The following ITPR1 variants were observed in gnomAD, a reference collection of about 807,000 sequenced individuals.
The protein encoded by ITPR1 is inositol 1,4,5-trisphosphate-gated calcium channel ITPR1.
ITPR1 carries 96 observed loss-of-function variants against 318.4 expected under a neutral mutation model. The ratio of observed to expected loss-of-function variants is 0.30; its 90% confidence interval spans 0.26 to 0.36. The LOEUF is 0.36. Ranked by LOEUF, ITPR1 falls within the 10% of genes least tolerant of loss-of-function variation. The probability of loss-of-function intolerance (pLI) is 1.00; values close to 1 mark genes in which losing one functional copy is unlikely to be tolerated. For synonymous variants in ITPR1, 1,312 were observed against 1,289.9 expected (o/e 1.02, Z -0.37); for missense variants, 2,440 against 3,460.2 (o/e 0.71, Z 7.40).
At chr3:4,678,502 C>G (rs2094230047) in intron 24 of ITPR1, among the ~76,000 whole-genome samples, 1 of 152,132 alleles carries the variant, frequency 6.6e-6, no homozygotes, top group African/African-American at 2.4e-5. Context: ...CTTATTGACT[C>G]CCTACCATGT....
In ITPR1 at chr3:4,519,325, C is replaced by A. The variant is rs551661317; in HGVS notation, c.93-1699C>A. Among the ~76,000 whole-genome samples, 14 of 152,278 alleles carry A rather than the reference C, an allele frequency of 9.2e-5. No homozygotes were observed. In the South Asian group the frequency reaches 2.9e-3, roughly 32 times the overall value. On this transcript the variant is annotated intron_variant, in intron 3 of 61. Transcript: ENST00000649015. ...CACTGCACCCTCCACCTCCTGGGTT[C>A]AAGCAATTCATCTGCCTCAGCCTCC...
intron 4 of ITPR1, among the ~76,000 whole-genome samples, chr3:4,593,565 A>C (rs1345714089): frequency 6.6e-6 from 1 of 152,250 alleles, no homozygotes; most frequent in Non-Finnish European, 1.5e-5. Flanking sequence ...AATTTGATTC[A>C]GAAACATAAA....
chr3:4,560,756 A>C (rs2086592468), intron 4 of ITPR1, among the ~76,000 whole-genome samples: 1 of 152,218 alleles, frequency 6.6e-6, no homozygotes, highest in South Asian at 2.1e-4. Context: ...TCTGCCACTT[A>C]ATCTATCCCC....
At chr3:4,744,545 A>G (rs1173190557) in intron 44 of ITPR1, among the ~76,000 whole-genome samples, 3 of 152,224 alleles carry the variant, frequency 2.0e-5, no homozygotes, top group Non-Finnish European at 4.4e-5. Flanking sequence ...GGATTGTCCT[A>G]ACTGCTTTCC....
intron 44 of ITPR1, among the ~76,000 whole-genome samples, chr3:4,760,655 C>G (rs2045372578): frequency 6.6e-6 from 1 of 152,206 alleles, no homozygotes; most frequent in African/African-American, 2.4e-5. Flanking sequence ...GCGCTCCTTT[C>G]TGGAGGCTCT....
chr3:4,526,749 A>C (rs1487133889), intron 4 of ITPR1, among the ~76,000 whole-genome samples: 1 of 152,234 alleles, frequency 6.6e-6, no homozygotes, highest in Non-Finnish European at 1.5e-5. Context: ...TAGTCAGTTA[A>C]ATGTCACTTC....
chr3:4,597,852 G>A (rs375701973), intron 4 of ITPR1, among the ~76,000 whole-genome samples: 10 of 152,314 alleles, frequency 6.6e-5, no homozygotes, highest in African/African-American at 1.2e-4. Context: ...AAAGTATACA[G>A]AGTCACAGTG....
At chr3:4,560,317 TTCTC>T (rs1559448145) in intron 4 of ITPR1, among the ~76,000 whole-genome samples, 1 of 152,154 alleles carries the variant, frequency 6.6e-6, no homozygotes, top group Non-Finnish European at 1.5e-5. Context: ...TGTAATAAGG[TTCTC>T]TCTCAGGTCT....
chr3:4,773,595 G>A (rs557439021), intron 46 of ITPR1, among the ~76,000 whole-genome samples: 66 of 152,264 alleles, frequency 4.3e-4, no homozygotes, highest in African/African-American at 1.6e-3. Flanking sequence ...AGACAGATGG[G>A]CCAGGAGAGC....
intron 60 of ITPR1, among the ~76,000 whole-genome samples, chr3:4,833,844 A>C (rs2050689614): frequency 6.6e-6 from 1 of 152,162 alleles, no homozygotes; most frequent in Admixed American, 6.5e-5. Context: ...TTACTTGGAC[A>C]CTACTCTCTC....
At chr3:4,626,084 T>G (rs1489976140) in intron 4 of ITPR1, among the ~76,000 whole-genome samples, 1 of 152,066 alleles carries the variant, frequency 6.6e-6, no homozygotes, top group African/African-American at 2.4e-5. Flanking sequence ...GGCTGTAGTG[T>G]GCTATGATTG....
At chr3:4,501,495 C>T (rs1040938355) in intron 2 of ITPR1, among the ~76,000 whole-genome samples, 27 of 152,280 alleles carry the variant, frequency 1.8e-4, no homozygotes, top group Non-Finnish European at 4.0e-4. Context: ...GTGATTCACA[C>T]ACACGTGAAA....
intron 55 of ITPR1, among the ~76,000 whole-genome samples, chr3:4,808,093 G>A (rs932413372): frequency 2.0e-5 from 3 of 152,200 alleles, no homozygotes; most frequent in Non-Finnish European, 2.9e-5. Flanking sequence ...AGTGCCTGAC[G>A]CAGGGCACAT....
chr3:4,629,739 T>G (rs2092954969), intron 5 of ITPR1, among the ~76,000 whole-genome samples: 1 of 152,192 alleles, frequency 6.6e-6, no homozygotes. Context: ...CACAAAGCTG[T>G]GGGAGCACAT....
intron 4 of ITPR1, among the ~76,000 whole-genome samples, chr3:4,613,509 G>A (rs922455865): frequency 6.6e-6 from 1 of 152,132 alleles, no homozygotes; most frequent in African/African-American, 2.4e-5. Flanking sequence ...TTGTCCTTGG[G>A]CCAGGGAATG....
At chr3:4,681,658 T>TGTGTGTGTGTGTGTCC (rs1553690431) in intron 26 of ITPR1, among the ~76,000 whole-genome samples, 2 of 149,848 alleles carry the variant, frequency 1.3e-5, no homozygotes, top group Admixed American at 6.6e-5. Flanking sequence ...TGTGTGTGTG[T>TGTGTGTGTGTGTGTCC]CCCACCTAGG....
chr3:4,738,223 G>GA (rs910261967), intron 44 of ITPR1, among the ~76,000 whole-genome samples: 2 of 151,406 alleles, frequency 1.3e-5, no homozygotes, highest in East Asian at 2.0e-4. Flanking sequence ...GTTTAAAAAA[G>GA]AAAAAAAACA....
intron 44 of ITPR1, among the ~76,000 whole-genome samples, chr3:4,760,709 C>T (rs1406976733): frequency 2.6e-5 from 4 of 152,182 alleles, no homozygotes; most frequent in Admixed American, 2.6e-4. Context: ...CAGAGGCCAC[C>T]CACATCCCTT....
Position 4,733,096 on chromosome 3 carries a change from G to C in ITPR1, c.5229G>C (p.Ala1743=). The change falls in exon 43 of 62, where the codon GCG becomes GCC. Residue 1743 remains alanine (A), a synonymous_variant. Coordinates refer to ENST00000649015, the MANE Select transcript of ITPR1 (RefSeq NM_001378452.1). ...RQLEDHKRGE[A]LRQVLVNRYY... is the part of the protein sequence containing the mutation. ...ATCCTGTTTGAATTAAGGGTGAGGC[G>C]CTCAGGCAAGTTCTGGTCAACCGTT... The C allele has an allele frequency of 6.2e-7, 1 of 1,612,972 alleles. No homozygotes were observed. The highest frequency in any genetic ancestry group is 1.7e-4 in the Middle Eastern group (1 of 6,060).
Sources: allele counts gnomAD v4.1 joint callset (sites outside exome capture counted in the v4.1 genomes callset), GRCh38; gene constraint gnomAD v4.1.1; transcripts MANE v1.5; gene names NCBI Gene and HGNC (gene_info 2026-07-23, HGNC 2026-07-21).